Variants in PDK1 observed in about 807,000 individuals in gnomAD.
The protein encoded by PDK1 is pyruvate dehydrogenase kinase 1.
A neutral mutation model predicts 54.2 loss-of-function variants in PDK1; 39 were observed. That is an observed-to-expected ratio of 0.72 (90% CI 0.56 to 0.94). The LOEUF (loss-of-function observed/expected upper bound fraction) is 0.94. PDK1 is among the 40% of genes least tolerant of loss of function. The pLI is 0.00. For synonymous variants in PDK1, 221 were observed against 207.1 expected, an observed-to-expected ratio of 1.07 and a Z score of -0.58; for missense variants, 552 against 566.0, an observed-to-expected ratio of 0.98 and a Z score of 0.25.
chr2:172,695,368 T>C, the PDK1 span, among the ~76,000 whole-genome samples: 78 of 152,332 alleles, frequency 5.1e-4, 2 homozygotes, highest in South Asian at 0.016. Flanking sequence ...CACCAGGTCC[T>C]GTGTTCTGCC....
the PDK1 span, among the ~76,000 whole-genome samples, chr2:172,618,288 AAAAG>A: frequency 1.3e-5 from 2 of 152,236 alleles, no homozygotes; most frequent in African/African-American, 4.8e-5. Flanking sequence ...ATAAGATTGA[AAAAG>A]AAAAGTTAAA....
intron 8 of PDK1, among the ~76,000 whole-genome samples, chr2:172,581,333 C>T (rs556332138): frequency 6.6e-6 from 1 of 152,236 alleles, no homozygotes; most frequent in South Asian, 2.1e-4. Flanking sequence ...TCAAGTGATC[C>T]GTCTGCCTCC....
At chr2:172,632,408 A>G in the PDK1 span, among the ~76,000 whole-genome samples, 9 of 152,298 alleles carry the variant, frequency 5.9e-5, no homozygotes, top group African/African-American at 2.2e-4. Flanking sequence ...TACTCCATTT[A>G]TTTAGATCTT....
the PDK1 span, among the ~76,000 whole-genome samples, chr2:172,622,126 T>A: frequency 3.2e-5 from 4 of 123,080 alleles, no homozygotes; most frequent in African/African-American, 1.3e-4. Context: ...TATGTTTATA[T>A]CTCATATTAT....
At chr2:172,687,317 CATTT>C in the PDK1 span, among the ~76,000 whole-genome samples, 9 of 151,516 alleles carry the variant, frequency 5.9e-5, no homozygotes, top group Non-Finnish European at 1.0e-4. Flanking sequence ...ATGAAATTAT[CATTT>C]ATTTATTTAA....
intron 8 of PDK1, among the ~76,000 whole-genome samples, chr2:172,571,872 C>T (rs1410300397): frequency 2.6e-5 from 3 of 117,600 alleles, no homozygotes; most frequent in African/African-American, 1.0e-4. Flanking sequence ...TGCTCTGTTG[C>T]CCCAGGGTGG....
the PDK1 span, among the ~76,000 whole-genome samples, chr2:172,702,068 G>A: frequency 1.1e-4 from 17 of 152,258 alleles, no homozygotes; most frequent in African/African-American, 3.4e-4. Context: ...GGTTAGGGGC[G>A]CTGGTAATAC....
the PDK1 span, among the ~76,000 whole-genome samples, chr2:172,717,579 AGT>A: frequency 6.6e-6 from 1 of 152,094 alleles, no homozygotes; most frequent in Non-Finnish European, 1.5e-5. Context: ...TTTGAGACAG[AGT>A]CTTGCTCTGT....
chr2:172,575,221 T>A (rs1307303598), intron 8 of PDK1, among the ~76,000 whole-genome samples: 1 of 152,144 alleles, frequency 6.6e-6, no homozygotes, highest in African/African-American at 2.4e-5. Context: ...TTTTTTATGG[T>A]TTATGTTGTT....
chr2:172,659,161 C>G, the PDK1 span, among the ~76,000 whole-genome samples: 2 of 152,150 alleles, frequency 1.3e-5, no homozygotes, highest in Non-Finnish European at 2.9e-5. Flanking sequence ...CTTAGCAGCC[C>G]AGCTGTAAAA....
chr2:172,675,343 G>A, the PDK1 span, among the ~76,000 whole-genome samples: 1 of 152,198 alleles, frequency 6.6e-6, no homozygotes, highest in Non-Finnish European at 1.5e-5. Flanking sequence ...GCCAAGATTG[G>A]CCAAAAGCTA....
the PDK1 span, among the ~76,000 whole-genome samples, chr2:172,712,450 A>G: frequency 6.6e-6 from 1 of 152,160 alleles, no homozygotes; most frequent in Admixed American, 6.5e-5. Context: ...TGCCAAGGGC[A>G]AGCTAGGCAC....
At chr2:172,630,632 A>AT in the PDK1 span, among the ~76,000 whole-genome samples, 12,496 of 144,098 alleles carry the variant, frequency 0.087, 726 homozygotes, top group African/African-American at 0.16. Context: ...CTCTAATGGA[A>AT]TTTTTTTTTT....
At chr2:172,658,777 C>G in the PDK1 span, among the ~76,000 whole-genome samples, 1 of 152,136 alleles carries the variant, frequency 6.6e-6, no homozygotes, top group East Asian at 1.9e-4. Context: ...GCAGTACCCT[C>G]AGGCTTATTA....
At chr2:172,613,976 G>A in the PDK1 span, among the ~76,000 whole-genome samples, 1 of 152,158 alleles carries the variant, frequency 6.6e-6, no homozygotes, top group African/African-American at 2.4e-5. Flanking sequence ...CCTCCTGGGT[G>A]CAGCTGCAGC....
chr2:172,683,112 C>T, the PDK1 span, among the ~76,000 whole-genome samples: 3 of 151,880 alleles, frequency 2.0e-5, no homozygotes, highest in African/African-American at 7.3e-5. Context: ...TTTGGGAGGC[C>T]GAGGCGGGCG....
At chr2:172,707,553 AT>A in the PDK1 span, among the ~76,000 whole-genome samples, 2 of 152,268 alleles carry the variant, frequency 1.3e-5, no homozygotes, top group East Asian at 3.9e-4. Flanking sequence ...CAGGTCTGGG[AT>A]ATACAAGACT....
the PDK1 span, among the ~76,000 whole-genome samples, chr2:172,624,517 C>G: frequency 6.6e-6 from 1 of 152,084 alleles, no homozygotes; most frequent in Non-Finnish European, 1.5e-5. Flanking sequence ...CATCCCCAAA[C>G]CATCCCCCGA....
chr2:172,718,876 A>G, the PDK1 span, among the ~76,000 whole-genome samples: 2 of 152,194 alleles, frequency 1.3e-5, no homozygotes, highest in African/African-American at 2.4e-5. Flanking sequence ...CACCTTTCTA[A>G]ATGTACAGTT....
Sources: allele counts gnomAD v4.1 joint callset (sites outside exome capture counted in the v4.1 genomes callset), GRCh38; gene constraint gnomAD v4.1.1; transcripts MANE v1.5; gene names NCBI Gene and HGNC (gene_info 2026-07-23, HGNC 2026-07-21).